CACNB4: variants seen among roughly 807,000 people sequenced by gnomAD.
CACNB4 encodes the protein voltage-dependent L-type calcium channel subunit beta-4.
In CACNB4, 32 loss-of-function variants were observed where a neutral mutation model predicts 71.2. The ratio of observed to expected loss-of-function variants is 0.45; its 90% CI spans 0.34 to 0.60. The LOEUF (loss-of-function observed/expected upper bound fraction) is 0.60. Among genes scored for constraint, CACNB4 ranks in the 20% least tolerant of loss-of-function variants. CACNB4 has a pLI of 0.01. For synonymous variants in CACNB4, 231 were observed against 236.9 expected, an observed-to-expected ratio of 0.97 and a Z score of 0.23; for missense variants, 464 against 647.9, an observed-to-expected ratio of 0.72 and a Z score of 3.08.
At chr2:151,964,069 G>A (rs79929392) in intron 2 of CACNB4, among the ~76,000 whole-genome samples, 915 of 98,972 alleles carry the variant, frequency 9.2e-3, no homozygotes, top group East Asian at 0.036. Context: ...CTGTCTCACA[G>A]AAAAAAAAAA....
intron 2 of CACNB4, among the ~76,000 whole-genome samples, chr2:152,060,778 T>C (rs1685967287): frequency 6.6e-6 from 1 of 152,206 alleles, no homozygotes. Context: ...TAGATCTTAT[T>C]AACTGGAAAA....
Position 151,835,011 on chromosome 2 carries a change from A to C in CACNB4, c.*4108T>G. 1 of 152,004 alleles carries C rather than the reference A, an allele frequency of 6.6e-6. No homozygotes were observed. The highest frequency in any genetic ancestry group is 1.5e-5 in the Non-Finnish European group (1 of 67,846). 9.4% of individuals were successfully genotyped at this position (152,004 alleles called of 1,614,324 possible). On this transcript the variant is annotated 3_prime_UTR_variant, in exon 14 of 14. Transcript: ENST00000539935. ...CATTGATATGAAGTTTATTCCAATT[A>C]CATGGGAGTCCAAGATTATGCATAT...
At position 152,011,709 on chromosome 2, in the gene CACNB4, C is replaced by T. The variant is rs1449093490; in HGVS notation, c.147+86621G>A. ...CTGAGACAGTCCCTTGCAGGAATTC[C>T]CCTGCTGCCACTTTTGGGGTGACTC... On this transcript the variant is annotated intron_variant, in intron 2 of 13. Transcript: ENST00000539935. 7.2e-5 allele frequency among the ~76,000 whole-genome samples: 11 copies of T among 152,304 alleles called. No individual in the cohort carries two copies. In the South Asian group the frequency reaches 8.3e-4, roughly 11 times the overall value.
chr2:151,936,906 C>T (rs2099863062), intron 2 of CACNB4, among the ~76,000 whole-genome samples: 1 of 152,358 alleles, frequency 6.6e-6, no homozygotes, highest in African/African-American at 2.4e-5. Flanking sequence ...ATTATAAATG[C>T]TCTCTGGGCT....
intron 2 of CACNB4, among the ~76,000 whole-genome samples, chr2:152,093,224 T>C (rs1688076400): frequency 6.6e-6 from 1 of 152,232 alleles, no homozygotes; most frequent in Non-Finnish European, 1.5e-5. Context: ...CTTCTCTTCT[T>C]TTTTTAAAAT....
intron 2 of CACNB4, among the ~76,000 whole-genome samples, chr2:152,075,222 G>C (rs535629216): frequency 4.0e-4 from 61 of 152,284 alleles, no homozygotes; most frequent in African/African-American, 1.4e-3. Context: ...CACACAAACA[G>C]AAAGTGATAG....
At chr2:151,861,981 C>G (rs1350450010) in intron 9 of CACNB4, among the ~76,000 whole-genome samples, 3 of 152,108 alleles carry the variant, frequency 2.0e-5, no homozygotes, top group Non-Finnish European at 4.4e-5. Context: ...GATTGCTCAA[C>G]TTCCAATTAT....
chr2:152,034,911 C>T (rs908671985), intron 2 of CACNB4, among the ~76,000 whole-genome samples: 7 of 152,194 alleles, frequency 4.6e-5, no homozygotes, highest in Admixed American at 2.6e-4. Flanking sequence ...TGAGGCAGAA[C>T]AGTTGACCAA....
chr2:152,008,814 A>G (rs1682881412), intron 2 of CACNB4, among the ~76,000 whole-genome samples: 1 of 152,108 alleles, frequency 6.6e-6, no homozygotes, highest in Non-Finnish European at 1.5e-5. Flanking sequence ...GCAAAATCTC[A>G]GGCCCTGCCC....
At chr2:152,037,311 G>A (rs918911598) in intron 2 of CACNB4, among the ~76,000 whole-genome samples, 3 of 152,224 alleles carry the variant, frequency 2.0e-5, no homozygotes, top group Admixed American at 2.0e-4. Flanking sequence ...CTTTGAATAT[G>A]AATCAGGGAA....
chr2:152,064,394 T>C (rs1282271397), intron 2 of CACNB4, among the ~76,000 whole-genome samples: 1 of 152,238 alleles, frequency 6.6e-6, no homozygotes. Context: ...TATTTACTTA[T>C]TTTTGAGACG....
chr2:151,930,798 A>T (rs189600129), intron 2 of CACNB4, among the ~76,000 whole-genome samples: 126 of 152,308 alleles, frequency 8.3e-4, no homozygotes, highest in African/African-American at 2.6e-3. Flanking sequence ...ACATGCATAT[A>T]TTTACATACA....
intron 4 of CACNB4, 42 bp from the exon 5 acceptor site, chr2:151,876,598 T>C: frequency 8.0e-7 from 1 of 1,242,458 alleles, no homozygotes; most frequent in Non-Finnish European, 1.1e-6. Context: ...GTAATTCACT[T>C]ATCTTCACGT....
chr2:151,896,172 T>C (rs1449618043), intron 2 of CACNB4, among the ~76,000 whole-genome samples: 1 of 152,218 alleles, frequency 6.6e-6, no homozygotes, highest in Admixed American at 6.5e-5. Context: ...AAAGAATATT[T>C]CCTGTGAGAG....
At chr2:151,977,824 C>G (rs2099874082) in intron 2 of CACNB4, among the ~76,000 whole-genome samples, 1 of 152,190 alleles carries the variant, frequency 6.6e-6, no homozygotes, top group East Asian at 1.9e-4. Flanking sequence ...TGGGACTCAG[C>G]CAAGGCTAGC....
intron 2 of CACNB4, among the ~76,000 whole-genome samples, chr2:152,045,808 C>T (rs1176860700): frequency 1.3e-5 from 2 of 152,176 alleles, no homozygotes; most frequent in East Asian, 1.9e-4. Context: ...AATACAGTGA[C>T]TCGCAGCTAG....
chr2:151,854,533 T>G (rs1040413395), intron 11 of CACNB4: 33 of 152,350 alleles, frequency 2.2e-4, no homozygotes, highest in African/African-American at 7.9e-4. Flanking sequence ...AGAAACTGAT[T>G]ATTAAGATAG....
intron 2 of CACNB4, among the ~76,000 whole-genome samples, chr2:151,905,496 T>A (rs1357810525): frequency 1.3e-5 from 2 of 152,206 alleles, no homozygotes; most frequent in Non-Finnish European, 2.9e-5. Flanking sequence ...AAGTCTTGAG[T>A]AGAAAGAAGC....
At chr2:151,870,675 C>T in intron 7 of CACNB4, 64 bp from the exon 8 acceptor site, 9 of 1,362,128 alleles carry the variant, frequency 6.6e-6, no homozygotes, top group African/African-American at 1.4e-5. Context: ...ACAGCCACAA[C>T]ATTCATAATT....
Sources: allele counts gnomAD v4.1 joint callset (sites outside exome capture counted in the v4.1 genomes callset), GRCh38; gene constraint gnomAD v4.1.1; transcripts MANE v1.5; gene names NCBI Gene and HGNC (gene_info 2026-07-23, HGNC 2026-07-21).